DLG1: variants seen among roughly 807,000 people sequenced by gnomAD.
DLG1 encodes discs large MAGUK scaffold protein 1.
A neutral mutation model predicts 123.4 loss-of-function variants in DLG1; 42 were observed. That is an observed-to-expected ratio of 0.34 (90% CI 0.27 to 0.44). The LOEUF is 0.44. Ranked by LOEUF, DLG1 falls within the 20% of genes least tolerant of loss-of-function variation. The probability of loss-of-function intolerance (pLI) is 1.00; values close to 1 mark genes in which losing one functional copy is unlikely to be tolerated. For synonymous variants in DLG1, 317 were observed against 356.2 expected (o/e 0.89, Z 1.24); for missense variants, 942 against 1,082.6 (o/e 0.87, Z 1.82).
At chr3:197,060,073 A>G (rs918199060) in intron 22 of DLG1, 75 bp from the exon 23 acceptor site, 11 of 1,008,454 alleles carry the variant, frequency 1.1e-5, no homozygotes, top group Non-Finnish European at 1.7e-5. Context: ...CTTTTCCTAC[A>G]GGTCCACAGT....
At chr3:197,228,656 G>C (rs569540248) in intron 4 of DLG1, among the ~76,000 whole-genome samples, 48 of 152,228 alleles carry the variant, frequency 3.2e-4, no homozygotes, top group African/African-American at 1.1e-3. Flanking sequence ...GACTAATTTT[G>C]ACTATTTTGA....
At chr3:197,204,652 GA>G (rs201745771) in intron 4 of DLG1, among the ~76,000 whole-genome samples, 1,710 of 152,064 alleles carry the variant, frequency 0.011, 34 homozygotes, top group African/African-American at 0.039. Context: ...AACATTTGGG[GA>G]AAAAAATACA....
At chr3:197,163,728 A>G (rs1331218877) in intron 5 of DLG1, among the ~76,000 whole-genome samples, 2 of 126,716 alleles carry the variant, frequency 1.6e-5, no homozygotes, top group Non-Finnish European at 3.2e-5. Context: ...TAGTAGAGAC[A>G]GGGTTTTACC....
intron 4 of DLG1, among the ~76,000 whole-genome samples, chr3:197,269,719 C>T (rs569250798): frequency 2.0e-5 from 3 of 152,280 alleles, no homozygotes; most frequent in Non-Finnish European, 2.9e-5. Flanking sequence ...TGGCTCACCT[C>T]GTGTATGTTA....
chr3:197,256,769 A>T (rs940240997), intron 4 of DLG1, among the ~76,000 whole-genome samples: 1 of 152,220 alleles, frequency 6.6e-6, no homozygotes, highest in Non-Finnish European at 1.5e-5. Context: ...TCTAGGAAGT[A>T]CTAAAACCTC....
chr3:197,130,684 C>G lies in DLG1; in HGVS notation c.1021-13G>C. Reference sequence around the variant, plus strand: ...ATACGTTATTCACCTAAAAAAAGTCCCAAAAGACATTTATGACATATTCAC... The same window carrying G: ...ATACGTTATTCACCTAAAAAAAGTCGCAAAAGACATTTATGACATATTCAC... On this transcript the variant is annotated splice_polypyrimidine_tract_variant and intron_variant, in intron 10 of 24. Transcript: ENST00000667157. The G allele has an allele frequency of 6.3e-7, 1 of 1,575,378 alleles. No individual in the cohort carries two copies. The highest frequency in any genetic ancestry group is 8.6e-7 in the Non-Finnish European group (1 of 1,162,658).
At chr3:197,178,644 AT>A (rs753180847) in intron 5 of DLG1, among the ~76,000 whole-genome samples, 2 of 152,174 alleles carry the variant, frequency 1.3e-5, no homozygotes, top group Non-Finnish European at 2.9e-5. Context: ...ACATTTGAAC[AT>A]TTAGCAGTAG....
chr3:197,255,297 T>C lies in DLG1; in HGVS notation c.318+27382A>G, dbSNP rs148339433. 4.2e-3 allele frequency among the ~76,000 whole-genome samples: 637 copies of C among 152,238 alleles called. 4 individuals carry two copies. Among genetic ancestry groups the C allele is most frequent in the Middle Eastern group, 6.8e-3 (2 of 294 alleles). ...ACACCAACACCAATAAGAGGTGGCA[T>C]TGGAAATAAAACCTGTTTGATTTAG... is the stretch of plus-strand genomic sequence containing the variant. On this transcript the variant is annotated intron_variant, in intron 4 of 24. Transcript: ENST00000667157.
At chr3:197,242,260 A>C (rs547324920) in intron 4 of DLG1, among the ~76,000 whole-genome samples, 1 of 152,258 alleles carries the variant, frequency 6.6e-6, no homozygotes, top group East Asian at 1.9e-4. Flanking sequence ...AACAATTATA[A>C]ATATTCACCC....
chr3:197,071,619 T>C (rs1425507421), intron 18 of DLG1, among the ~76,000 whole-genome samples: 2 of 152,232 alleles, frequency 1.3e-5, no homozygotes, highest in Admixed American at 6.5e-5. Context: ...CTTCTGATAA[T>C]TGAAAATGTT....
intron 14 of DLG1, among the ~76,000 whole-genome samples, chr3:197,096,748 T>C (rs1760861091): frequency 6.6e-6 from 1 of 152,254 alleles, no homozygotes; most frequent in Non-Finnish European, 1.5e-5. Context: ...ACATACTCTA[T>C]CATTTTTCTT....
chr3:197,247,960 C>A (rs1368670103), intron 4 of DLG1, among the ~76,000 whole-genome samples: 1 of 152,088 alleles, frequency 6.6e-6, no homozygotes, highest in African/African-American at 2.4e-5. Context: ...ACTTTAGGTC[C>A]CTCTTAGCAC....
intron 4 of DLG1, among the ~76,000 whole-genome samples, chr3:197,230,483 A>G (rs1319738465): frequency 1.3e-5 from 2 of 152,206 alleles, no homozygotes; most frequent in Non-Finnish European, 2.9e-5. Context: ...TTTTCATTAT[A>G]TATTAACTCA....
chr3:197,222,180 C>A (rs569631051), intron 4 of DLG1, among the ~76,000 whole-genome samples: 1 of 152,302 alleles, frequency 6.6e-6, no homozygotes, highest in East Asian at 1.9e-4. Context: ...AGGTTTCCAA[C>A]TCTCCCTTAC....
intron 4 of DLG1, among the ~76,000 whole-genome samples, chr3:197,248,326 C>T (rs887775471): frequency 1.5e-4 from 23 of 152,292 alleles, no homozygotes; most frequent in Admixed American, 1.2e-3. Context: ...TAGGACTTTT[C>T]TTCCCGGGTT....
chr3:197,130,805 T>TG, intron 10 of DLG1, 134 bp from the exon 11 acceptor site: 1 of 641,004 alleles, frequency 1.6e-6, no homozygotes, highest in Non-Finnish European at 2.6e-6. Context: ...AAAATACCCA[T>TG]GTTTGATGTC....
chr3:197,175,692 G>T (rs1271398509), intron 5 of DLG1, among the ~76,000 whole-genome samples: 1 of 152,124 alleles, frequency 6.6e-6, no homozygotes, highest in Non-Finnish European at 1.5e-5. Context: ...AGGCTCTGGG[G>T]ATACCAAGGG....
intron 5 of DLG1, among the ~76,000 whole-genome samples, chr3:197,154,607 G>A (rs1163924134): frequency 2.6e-5 from 4 of 152,050 alleles, no homozygotes; most frequent in East Asian, 3.9e-4. Flanking sequence ...CCCGGGAGGC[G>A]GAGCTTGCAG....
At chr3:197,268,317 A>G (rs1264949455) in intron 4 of DLG1, among the ~76,000 whole-genome samples, 1 of 152,226 alleles carries the variant, frequency 6.6e-6, no homozygotes, top group Non-Finnish European at 1.5e-5. Context: ...AAGCTTTCAC[A>G]TAGCCTTTCA....
Sources: gnomAD v4.1 joint callset for allele counts (sites outside exome capture counted in the v4.1 genomes callset) on GRCh38, gnomAD v4.1.1 for gene constraint, MANE v1.5 for transcripts, NCBI Gene and HGNC (gene_info 2026-07-23, HGNC 2026-07-21) for gene names.